Variants in AUH observed in about 807,000 individuals in gnomAD.
The protein encoded by AUH is methylglutaconyl-CoA hydratase, mitochondrial.
A neutral mutation model predicts 42.3 loss-of-function variants in AUH; 29 were observed. The observed-to-expected ratio is 0.69, with a 90% confidence interval of 0.51 to 0.93. The LOEUF (loss-of-function observed/expected upper bound fraction) is 0.93, where lower values mean the gene tolerates loss of function less well. Ranked by LOEUF, AUH falls within the 40% of genes least tolerant of loss-of-function variation. The pLI is 0.00. For synonymous variants in AUH, 174 were observed against 166.4 expected, an observed-to-expected ratio of 1.05 and a Z score of -0.35; for missense variants, 452 against 438.1, an observed-to-expected ratio of 1.03 and a Z score of -0.28.
intron 6 of AUH, among the ~76,000 whole-genome samples, chr9:91,231,033 G>A (rs1827844370): frequency 6.6e-6 from 1 of 152,236 alleles, no homozygotes; most frequent in Non-Finnish European, 1.5e-5. Flanking sequence ...CAGAGGTGGA[G>A]CCTACAGAGG....
At chr9:91,231,264 T>G (rs1211059754) in intron 6 of AUH, among the ~76,000 whole-genome samples, 1 of 152,212 alleles carries the variant, frequency 6.6e-6, no homozygotes, top group East Asian at 1.9e-4. Context: ...CGCCGTTTTT[T>G]AAGCCCGTCG....
chr9:91,352,647 T>A (rs1460972390), intron 3 of AUH, among the ~76,000 whole-genome samples: 2 of 152,182 alleles, frequency 1.3e-5, no homozygotes, highest in Non-Finnish European at 2.9e-5. Flanking sequence ...ATCTCTTTAA[T>A]GTTTATCTGT....
At chr9:91,297,953 A>T in intron 5 of AUH, 31 bp downstream of exon 5, 1 of 1,511,366 alleles carries the variant, frequency 6.6e-7, no homozygotes, top group Non-Finnish European at 9.2e-7. Context: ...TCACTTTTTT[A>T]AATTATGTTT....
chr9:91,228,651 G>A (rs1320483317), intron 6 of AUH, among the ~76,000 whole-genome samples: 1 of 146,590 alleles, frequency 6.8e-6, no homozygotes, highest in Non-Finnish European at 1.5e-5. Context: ...ATGTTAGGGT[G>A]TCAATTTTGG....
intron 3 of AUH, among the ~76,000 whole-genome samples, chr9:91,327,987 G>A (rs1440658924): frequency 2.0e-5 from 3 of 152,158 alleles, no homozygotes; most frequent in Admixed American, 6.5e-5. Flanking sequence ...TCAAGTGGGC[G>A]CGAACCAAGC....
Position 91,275,843 on chromosome 9 carries a change from T to A in AUH, c.655+20178A>T, listed in dbSNP as rs113849151. The stretch of plus-strand genomic sequence containing the variant: ...AAATGAAAAGTGGTCTTGCTGACAA[T>A]GCATTATCATTTCTAGACAGCACAT... On this transcript the variant is annotated intron_variant, in intron 6 of 9. Transcript: ENST00000375731. Among the ~76,000 whole-genome samples the A allele has an allele frequency of 3.1e-3, 468 of 152,322 alleles. 5 individuals carry two copies. Among genetic ancestry groups the A allele is most frequent in the African/African-American group, 0.01 (433 of 41,572 alleles).
At chr9:91,349,659 G>A (rs1831804641) in intron 3 of AUH, among the ~76,000 whole-genome samples, 1 of 147,218 alleles carries the variant, frequency 6.8e-6, no homozygotes, top group Non-Finnish European at 1.5e-5. Flanking sequence ...GTGGGTGTGT[G>A]TATGTAAGGC....
chr9:91,302,041 A>T (rs1827823826), intron 4 of AUH, among the ~76,000 whole-genome samples: 1 of 152,178 alleles, frequency 6.6e-6, no homozygotes, highest in Non-Finnish European at 1.5e-5. Context: ...ACATCATCCT[A>T]ATTATTCCCT....
chr9:91,220,256 G>C (rs1386990898), intron 7 of AUH, among the ~76,000 whole-genome samples: 1 of 152,176 alleles, frequency 6.6e-6, no homozygotes, highest in Admixed American at 6.5e-5. Context: ...AAGCACAATG[G>C]AGTCAAAACA....
At chr9:91,359,225 T>C (rs1832668753) in intron 1 of AUH, among the ~76,000 whole-genome samples, 1 of 152,182 alleles carries the variant, frequency 6.6e-6, no homozygotes, top group Admixed American at 6.5e-5. Flanking sequence ...GTTCTGCTTA[T>C]ACAAAATGAA....
chr9:91,262,253 T>C (rs1281933136), intron 6 of AUH, among the ~76,000 whole-genome samples: 1 of 152,232 alleles, frequency 6.6e-6, no homozygotes, highest in African/African-American at 2.4e-5. Context: ...ACATCAGTTA[T>C]GTTTCTGTAA....
intron 6 of AUH, among the ~76,000 whole-genome samples, chr9:91,222,463 C>T (rs899609606): frequency 3.9e-5 from 6 of 152,172 alleles, no homozygotes; most frequent in African/African-American, 1.4e-4. Flanking sequence ...CCGCAAAATG[C>T]AGTTATTACG....
At chr9:91,361,384 A>T (rs1832840072) in intron 1 of AUH, among the ~76,000 whole-genome samples, 1 of 152,196 alleles carries the variant, frequency 6.6e-6, no homozygotes, top group African/African-American at 2.4e-5. Context: ...TGCCGCGCTG[A>T]ATGCGGTCAC....
At chr9:91,344,519 C>T (rs1831342103) in intron 3 of AUH, among the ~76,000 whole-genome samples, 1 of 152,160 alleles carries the variant, frequency 6.6e-6, no homozygotes, top group Non-Finnish European at 1.5e-5. Flanking sequence ...GAATATGTTA[C>T]AGAATTTGAC....
At chr9:91,316,051 T>C (rs1587843323) in intron 4 of AUH, among the ~76,000 whole-genome samples, 2 of 152,364 alleles carry the variant, frequency 1.3e-5, no homozygotes, top group South Asian at 2.1e-4. Context: ...TATCCAATTG[T>C]ATAAATATAC....
rs1826692696 is a variant in AUH, at chr9:91,214,196, T to C, written c.*152A>G. On this transcript the variant is annotated 3_prime_UTR_variant, in exon 10 of 10. Transcript: ENST00000375731. ...TACACATTTGAATGAAGTACACGGA[T>C]GGGTCCATTCCAGATGCTTATTACA... 1 of 692,580 alleles carries C rather than the reference T, an allele frequency of 1.4e-6. No individual in the cohort carries two copies. Among genetic ancestry groups the C allele is most frequent in the Non-Finnish European group, 2.6e-6 (1 of 383,682 alleles). The allele number at this position is 692,580 out of a possible 1,614,324, so 42.9% of individuals were successfully genotyped here. A position where few individuals can be genotyped will look rare whatever the true frequency, so the allele number is the denominator to read the frequency against.
At chr9:91,234,679 G>C (rs1297447394) in intron 6 of AUH, among the ~76,000 whole-genome samples, 2 of 151,388 alleles carry the variant, frequency 1.3e-5, no homozygotes, top group Admixed American at 1.3e-4. Context: ...CAAGTGCCAG[G>C]CACTGTCCTA....
chr9:91,214,324 G>GC lies in AUH; in HGVS notation c.*23dup, dbSNP rs763815758. 4 of 1,571,974 alleles carry GC rather than the reference G, an allele frequency of 2.5e-6. No homozygotes were observed. Among genetic ancestry groups the GC allele is most frequent in the Non-Finnish European group, 2.6e-6 (3 of 1,147,476 alleles). On this transcript the variant is annotated 3_prime_UTR_variant, in exon 10 of 10. Transcript: ENST00000375731. ...TCCAGGAAGTACATTTATTACATTG[G>GC]CATCTTAAGAATTTCTGTTCCTTTT...
intron 6 of AUH, among the ~76,000 whole-genome samples, chr9:91,230,264 T>C (rs1229292669): frequency 6.6e-6 from 1 of 152,234 alleles, no homozygotes; most frequent in Admixed American, 6.5e-5. Context: ...TTCTTTTTCT[T>C]TTTTCTCTAA....
Sources: gnomAD v4.1 joint callset for allele counts (sites outside exome capture counted in the v4.1 genomes callset) on GRCh38, gnomAD v4.1.1 for gene constraint, MANE v1.5 for transcripts, NCBI Gene and HGNC (gene_info 2026-07-23, HGNC 2026-07-21) for gene names.